CCAR1: variants seen among roughly 807,000 people sequenced by gnomAD.
CCAR1 encodes cell division cycle and apoptosis regulator protein 1.
A neutral mutation model predicts 163.8 loss-of-function variants in CCAR1; 78 were observed. That is an observed-to-expected ratio of 0.48 (90% CI 0.40 to 0.57). The LOEUF (loss-of-function observed/expected upper bound fraction) is 0.57. Among genes scored for constraint, CCAR1 ranks in the 20% least tolerant of loss-of-function variants. The pLI, the probability that CCAR1 is intolerant of heterozygous loss-of-function variation, is 0.00. For synonymous variants in CCAR1, 443 were observed against 460.7 expected, an observed-to-expected ratio of 0.96 and a Z score of 0.49; for missense variants, 1,019 against 1,365.2, an observed-to-expected ratio of 0.75 and a Z score of 4.00.
intron 2 of CCAR1, among the ~76,000 whole-genome samples, chr10:68,733,545 G>C (rs925760228): frequency 1.3e-5 from 2 of 150,600 alleles, no homozygotes; most frequent in Admixed American, 1.3e-4. Context: ...GTTTTGGCCT[G>C]AAATCCCAGC....
intron 5 of CCAR1, among the ~76,000 whole-genome samples, chr10:68,740,883 T>TTTTATTTTA (rs2056174121): frequency 6.9e-6 from 1 of 144,820 alleles, no homozygotes; most frequent in Non-Finnish European, 1.5e-5. Flanking sequence ...TGAGGTTTTA[T>TTTTATTTTA]TTTATTTATT....
chr10:68,780,762 A>C (rs1223440258), intron 19 of CCAR1, among the ~76,000 whole-genome samples: 5 of 152,190 alleles, frequency 3.3e-5, no homozygotes, highest in African/African-American at 1.2e-4. Context: ...ATCTGTGATC[A>C]GTGATCTTTG....
chr10:68,744,748 A>C (rs1034639503), intron 6 of CCAR1, among the ~76,000 whole-genome samples: 2 of 152,124 alleles, frequency 1.3e-5, no homozygotes, highest in Non-Finnish European at 2.9e-5. Flanking sequence ...ATGGGGTGGT[A>C]AATTATTAAT....
At chr10:68,775,497 C>CTTTTT (rs58856212) in intron 19 of CCAR1, among the ~76,000 whole-genome samples, 23 of 117,968 alleles carry the variant, frequency 1.9e-4, no homozygotes, top group Non-Finnish European at 2.8e-4. Context: ...GCCTCATTTT[C>CTTTTT]TTTTTTTTTT....
In CCAR1 at chr10:68,764,048, T is replaced by C. The variant is rs548509384; in HGVS notation, c.2107-1840T>C. Among the ~76,000 whole-genome samples, 4 of 152,324 alleles carry C rather than the reference T, an allele frequency of 2.6e-5. No homozygotes were observed. In the South Asian group the frequency reaches 8.3e-4, roughly 32 times the overall value. On this transcript the variant is annotated intron_variant, in intron 16 of 24. Transcript: ENST00000265872. ...TGAACAGAGATATGGAAGATAGATATATAGATAAGTAGATAGCTAACACTT... is the reference window on the plus strand; with the variant it reads ...TGAACAGAGATATGGAAGATAGATACATAGATAAGTAGATAGCTAACACTT...
chr10:68,737,348 C>T (rs571002278), intron 3 of CCAR1, among the ~76,000 whole-genome samples: 4 of 151,890 alleles, frequency 2.6e-5, no homozygotes, highest in Admixed American at 1.3e-4. Flanking sequence ...GCAGAAAACA[C>T]GAGAATTAGC....
chr10:68,749,024 A>C, intron 8 of CCAR1, 112 bp from the exon 9 acceptor site: 1 of 1,330,578 alleles, frequency 7.5e-7, no homozygotes, highest in Non-Finnish European at 1.0e-6. Flanking sequence ...AACTTTGAAA[A>C]AACAATTTTA....
chr10:68,764,855 G>A (rs1216063579), intron 16 of CCAR1, among the ~76,000 whole-genome samples: 1 of 152,188 alleles, frequency 6.6e-6, no homozygotes, highest in Non-Finnish European at 1.5e-5. Context: ...TTGTGGTGGT[G>A]TCTTTCTGGC....
Position 68,786,571 on chromosome 10 carries a change from CAATT to C in CCAR1, c.2762_2765del (p.Ile921ThrfsTer5). 1 of 1,588,748 alleles carries C rather than the reference CAATT, an allele frequency of 6.3e-7. No individual in the cohort carries two copies. The highest frequency in any genetic ancestry group is 8.5e-7 in the Non-Finnish European group (1 of 1,170,356). On this transcript the variant is annotated frameshift_variant, in exon 21 of 25. Transcript: ENST00000265872. LOFTEE classifies it high-confidence loss of function. ...GAAAAAGAAAAGACTCAAATGATCA[CAATT>C]AACAGAGATCTGTTAATGGCTTTTG...
Position 68,761,015 on chromosome 10 carries a change from C to A in CCAR1, c.1929C>A (p.Asp643Glu). ...CTGCTCCATATATTCAGGTAAATGA[C>A]CTCCGAAAAGAATTAGAAAGTCGAG... ...KLDPKTMKVN[D>E]LRKELESRAL... The change falls in exon 16 of 25, where the codon GAC (aspartate) becomes GAA (glutamate). Residue 643 changes from aspartate (D) to glutamate (E), a missense_variant. Physicochemically the swap from Asp to Glu is conservative, Grantham distance 45. Coordinates refer to ENST00000265872, the MANE Select transcript of CCAR1 (RefSeq NM_018237.4). 1 of 1,302,028 alleles carries A rather than the reference C, an allele frequency of 7.7e-7. No homozygotes were observed. The highest frequency in any genetic ancestry group is 1.0e-6 in the Non-Finnish European group (1 of 997,672). The allele number at this position is 1,302,028 out of a possible 1,614,324, so 80.7% of individuals were successfully genotyped here. A position where few individuals can be genotyped will look rare whatever the true frequency, so the allele number is the denominator to read the frequency against.
At chr10:68,737,783 T>A (rs2056131110) in intron 3 of CCAR1, 62 bp from the exon 4 acceptor site, 1 of 931,900 alleles carries the variant, frequency 1.1e-6, no homozygotes, top group Non-Finnish European at 1.7e-6. Context: ...ATATCACTTT[T>A]TGAGAATGAA....
In CCAR1 at chr10:68,789,879, T is replaced by C. The variant is rs777985445; in HGVS notation, c.3357T>C (p.Ser1119=). 1 of 1,598,634 alleles carries C rather than the reference T, an allele frequency of 6.3e-7. No individual in the cohort carries two copies. The highest frequency in any genetic ancestry group is 8.5e-7 in the Non-Finnish European group (1 of 1,175,236). Residue 1119 remains serine, a synonymous_variant, in exon 24 of 25, where the codon TCT becomes TCC. Coordinates refer to ENST00000265872, the MANE Select transcript of CCAR1 (RefSeq NM_018237.4). ...TGAATAAGACAATCAGAAACTTATC[T>C]ACGGTAATGGATGAAATCCACACTG... ...NQMNKTIRNL[S]TVMDEIHTVL...
intron 19 of CCAR1, among the ~76,000 whole-genome samples, chr10:68,783,330 C>T (rs188433453): frequency 1.3e-5 from 2 of 152,058 alleles, no homozygotes; most frequent in African/African-American, 2.4e-5. Context: ...GCCACCACCA[C>T]GCCTGGCTAA....
At chr10:68,737,802 G>A in intron 3 of CCAR1, 43 bp from the exon 4 acceptor site, 2 of 1,120,946 alleles carry the variant, frequency 1.8e-6, no homozygotes, top group Non-Finnish European at 2.6e-6. Context: ...AATAAATTTA[G>A]TGTCTGTATT....
At chr10:68,765,663 C>T (rs990614412) in intron 16 of CCAR1, among the ~76,000 whole-genome samples, 4 of 152,046 alleles carry the variant, frequency 2.6e-5, no homozygotes, top group Non-Finnish European at 5.9e-5. Context: ...GTTTCTTATG[C>T]TGGGAAATCC....
chr10:68,747,477 C>A lies in CCAR1; in HGVS notation c.737C>A (p.Ser246Ter). Residue 246 changes from serine (S) to a stop codon, truncating the protein, a stop_gained, in exon 8 of 25, where the codon TCA becomes TAA. Transcript: ENST00000265872. LOFTEE classifies it high-confidence loss of function. Reference protein sequence around the residue: ...FGVQTQPQPQSLLQAQISAAS... With the variant: ...FGVQTQPQPQ The stretch of plus-strand genomic sequence containing the variant: ...GTTCAGACTCAGCCCCAGCCCCAGT[C>A]ACTGCTGCAGGCACAGATTTCAGCA... The A allele has an allele frequency of 6.2e-7, 1 of 1,614,144 alleles. No homozygotes were observed. Among genetic ancestry groups the A allele is most frequent in the Non-Finnish European group, 8.5e-7 (1 of 1,179,994 alleles).
At chr10:68,762,895 C>T (rs1415881097) in intron 16 of CCAR1, among the ~76,000 whole-genome samples, 1 of 151,984 alleles carries the variant, frequency 6.6e-6, no homozygotes, top group Non-Finnish European at 1.5e-5. Context: ...TGAGACATAA[C>T]AACCAAATGA....
At chr10:68,753,553 T>TG (rs1326481378) in intron 10 of CCAR1, among the ~76,000 whole-genome samples, 1 of 152,210 alleles carries the variant, frequency 6.6e-6, no homozygotes, top group Non-Finnish European at 1.5e-5. Context: ...GAGGAAAACC[T>TG]GCTTTTGTAC....
chr10:68,746,233 A>T (rs562421417), intron 6 of CCAR1, among the ~76,000 whole-genome samples: 1 of 150,678 alleles, frequency 6.6e-6, no homozygotes, highest in East Asian at 2.0e-4. Context: ...GGCCTCCCAA[A>T]GGGTTGGGAT....
Sources: allele counts gnomAD v4.1 joint callset (sites outside exome capture counted in the v4.1 genomes callset), GRCh38; gene constraint gnomAD v4.1.1; transcripts MANE v1.5; gene names NCBI Gene and HGNC (gene_info 2026-07-23, HGNC 2026-07-21).